CDH22: variants seen among roughly 807,000 people sequenced by gnomAD.
The protein encoded by CDH22 is cadherin 22, also known as cadherin-22.
A neutral mutation model predicts 58.4 loss-of-function variants in CDH22; 30 were observed. The observed-to-expected ratio is 0.51, with a 90% confidence interval of 0.38 to 0.70. The LOEUF (loss-of-function observed/expected upper bound fraction) is 0.70, where lower values mean the gene tolerates loss of function less well. CDH22 is among the 30% of genes least tolerant of loss of function. The pLI is 0.00. For synonymous variants in CDH22, 513 were observed against 558.2 expected, an observed-to-expected ratio of 0.92 and a Z score of 1.14; for missense variants, 1,014 against 1,233.9, an observed-to-expected ratio of 0.82 and a Z score of 2.67.
intron 11 of CDH22, 139 bp from the exon 12 acceptor site, chr20:46,175,216 T>C: frequency 1.2e-6 from 1 of 839,630 alleles, no homozygotes; most frequent in Non-Finnish European, 1.7e-6. Flanking sequence ...CCTGGATTTC[T>C]GTTCAAAAAG....
intron 5 of CDH22, among the ~76,000 whole-genome samples, chr20:46,214,172 A>C (rs2086065238): frequency 6.6e-6 from 1 of 152,132 alleles, no homozygotes; most frequent in East Asian, 1.9e-4. Flanking sequence ...TGTTGGAAGA[A>C]TGGCAAGATG....
intron 3 of CDH22, among the ~76,000 whole-genome samples, chr20:46,237,411 T>C (rs2086261214): frequency 6.6e-6 from 1 of 152,164 alleles, no homozygotes; most frequent in Non-Finnish European, 1.5e-5. Context: ...CTGCTCCCTC[T>C]GATCTCCGAA....
In CDH22 at chr20:46,308,167, C is replaced by T. The variant is rs1269233170; in HGVS notation, c.-400+88G>A. ...CCCCCGCGCCGCCTGCCCGGCCGCT[C>T]CCGCCGGCCAGGGGGCTCCCTCCCT... On this transcript the variant is annotated intron_variant, in intron 1 of 11. Coordinates refer to ENST00000537909, the MANE Select transcript of CDH22 (RefSeq NM_021248.3). This position sits in a 1 kb window ranked among gnomAD's most constrained non-coding sequence, Gnocchi z 4.3. The T allele has an allele frequency of 6.6e-6, 1 of 151,042 alleles. No homozygotes were observed. The highest frequency in any genetic ancestry group is 1.5e-5 in the Non-Finnish European group (1 of 67,676). The allele number at this position is 151,042 out of a possible 1,614,324, so 9.4% of individuals were successfully genotyped here. A position where few individuals can be genotyped will look rare whatever the true frequency, so the allele number is the denominator to read the frequency against.
At position 46,178,047 on chromosome 20, in the gene CDH22, G is replaced by T. The variant is rs1314062691; in HGVS notation, c.1814C>A (p.Ser605Tyr). The change falls in exon 11 of 12, where the codon TCC (serine) becomes TAC (tyrosine). Residue 605 changes from serine (S) to tyrosine (Y), a missense_variant. Physicochemically the swap from Ser to Tyr is moderately radical, Grantham distance 144. Around this residue, in one of 2 missense-constraint regions of CDH22, gnomAD observed 806 missense variants for 1,038.7 expected, o/e 0.78. Coordinates refer to ENST00000537909, the MANE Select transcript of CDH22 (RefSeq NM_021248.3). ...GGTGTTGCAGGACTGGATGGTGCCG[G>T]AGCTGTCGCAGCCACAGATGCGGAT... ...LTIRICGCDS[S>Y]GTIQSCNTTA... 4.3e-6 allele frequency: 7 copies of T among 1,613,864 alleles called. No homozygotes were observed. Among genetic ancestry groups the T allele is most frequent in the Non-Finnish European group, 5.1e-6 (6 of 1,179,972 alleles).
intron 5 of CDH22, among the ~76,000 whole-genome samples, chr20:46,214,705 G>A (rs1402031053): frequency 4.6e-5 from 7 of 152,068 alleles, no homozygotes; most frequent in East Asian, 1.9e-4. Context: ...CCCAATTCCC[G>A]CTCTGCCTTC....
At position 46,233,124 on chromosome 20, in the gene CDH22, G is replaced by A. The variant is rs141012274; in HGVS notation, c.551-5497C>T. Among the ~76,000 whole-genome samples the A allele has an allele frequency of 1.5e-4, 23 of 152,340 alleles. No homozygotes were observed. In the East Asian group the frequency reaches 4.2e-3, roughly 28 times the overall value. On this transcript the variant is annotated intron_variant, in intron 3 of 11. Coordinates refer to ENST00000537909, the MANE Select transcript of CDH22 (RefSeq NM_021248.3). ...AGAGACAGAGGTACATATGGAGCAG[G>A]AAGAGGGGGCAGAGCAGGAGGAGGA... is the stretch of plus-strand genomic sequence containing the variant.
chr20:46,212,818 T>C (rs1253385552), intron 6 of CDH22, among the ~76,000 whole-genome samples, 177 bp downstream of exon 6: 2 of 152,202 alleles, frequency 1.3e-5, no homozygotes, highest in Non-Finnish European at 2.9e-5. Context: ...CACCTCTCTA[T>C]GCCTGGTTTG....
chr20:46,205,846 A>G (rs1157294961), intron 7 of CDH22, among the ~76,000 whole-genome samples: 2 of 152,020 alleles, frequency 1.3e-5, no homozygotes, highest in Admixed American at 1.3e-4. Context: ...GCTGCTCCTG[A>G]ACTTAACCTC....
At chr20:46,202,332 T>C (rs2085967267) in intron 7 of CDH22, among the ~76,000 whole-genome samples, 1 of 151,538 alleles carries the variant, frequency 6.6e-6, no homozygotes, top group Non-Finnish European at 1.5e-5. Flanking sequence ...GAAACCAAAT[T>C]GGGGATTCTC....
At chr20:46,207,458 A>G (rs1268626248) in intron 7 of CDH22, among the ~76,000 whole-genome samples, 2 of 152,150 alleles carry the variant, frequency 1.3e-5, no homozygotes, top group Non-Finnish European at 2.9e-5. Context: ...CCAGACAAAC[A>G]GAGGTGACAG....
chr20:46,270,146 GAAGA>G (rs2086479943), intron 1 of CDH22, among the ~76,000 whole-genome samples: 1 of 152,182 alleles, frequency 6.6e-6, no homozygotes, highest in African/African-American at 2.4e-5. Flanking sequence ...GAGCCTAGGG[GAAGA>G]AAGTAGAAAG....
chr20:46,238,440 T>C (rs1012426670), intron 3 of CDH22, among the ~76,000 whole-genome samples: 1 of 152,182 alleles, frequency 6.6e-6, no homozygotes, highest in Non-Finnish European at 1.5e-5. Flanking sequence ...ATTGATAATA[T>C]CCAAATTTAT....
intron 10 of CDH22, among the ~76,000 whole-genome samples, chr20:46,179,306 T>C (rs2085767733): frequency 6.6e-6 from 1 of 152,210 alleles, no homozygotes; most frequent in African/African-American, 2.4e-5. Flanking sequence ...GTCTGCTGTT[T>C]CTAATCTGAG....
intron 4 of CDH22, among the ~76,000 whole-genome samples, chr20:46,223,718 T>C (rs1288968510): frequency 1.5e-5 from 1 of 67,848 alleles, no homozygotes. Context: ...TCTTTCTTTT[T>C]CTTTCTTTCT....
chr20:46,206,261 G>C lies in CDH22; in HGVS notation c.1286+4046C>G, dbSNP rs527635687. Among the ~76,000 whole-genome samples, 34 of 152,340 alleles carry C rather than the reference G, an allele frequency of 2.2e-4. No individual in the cohort carries two copies. The South Asian group carries it at 6.2e-3, about 28-fold the overall frequency. On this transcript the variant is annotated intron_variant, in intron 7 of 11. Coordinates refer to ENST00000537909, the MANE Select transcript of CDH22 (RefSeq NM_021248.3). ...AGTGGTGAGTCATGGGTCAAACCCC[G>C]GTGCTTCCCCTTTTGAGCTGGGTGG...
chr20:46,183,433 A>G (rs2085802587), intron 10 of CDH22, among the ~76,000 whole-genome samples: 1 of 151,950 alleles, frequency 6.6e-6, no homozygotes, highest in Non-Finnish European at 1.5e-5. Flanking sequence ...TTTATTTTTA[A>G]TTATTGATTG....
rs2085938539 is a variant in CDH22 at position 46,199,518 on chromosome 20, T to C, written c.1328A>G (p.Asp443Gly). Residue 443 changes from aspartate (D) to glycine (G), a missense_variant, in exon 8 of 12, where the codon GAT becomes GGT. Transcript: ENST00000537909. ...GATGGCGCCTGTGTCCGCATCGATA[T>C]CGAAGATCTGGTCCAAATCTGATTC... ...DRESDLDQIFDIDADTGAIVT... is the reference protein window; with the variant it reads ...DRESDLDQIFGIDADTGAIVT... 6.2e-7 allele frequency: 1 copy of C among 1,613,930 alleles called. No individual in the cohort carries two copies. The highest frequency in any genetic ancestry group is 8.5e-7 in the Non-Finnish European group (1 of 1,179,974).
chr20:46,269,112 C>G (rs1321274284), intron 1 of CDH22, among the ~76,000 whole-genome samples: 1 of 152,172 alleles, frequency 6.6e-6, no homozygotes. Flanking sequence ...ACTGACTGCC[C>G]TCTGTGATCT....
rs2086289953 is a variant in CDH22, at chr20:46,241,504, C to T, written c.256-247G>A. Among the ~76,000 whole-genome samples, 1 of 152,198 alleles carries T rather than the reference C, an allele frequency of 6.6e-6. No homozygotes were observed. Among genetic ancestry groups the T allele is most frequent in the African/African-American group, 2.4e-5 (1 of 41,434 alleles). ...TCCCCTCTGCATTCAGAGCTATCAG[C>T]CTTGGAGGCAGATCTGAACATGGCC... On this transcript the variant is annotated intron_variant, in intron 2 of 11. Transcript: ENST00000537909. This position sits in a 1 kb window ranked among gnomAD's most constrained non-coding sequence, Gnocchi z 5.2.
Sources: gnomAD v4.1 joint callset for allele counts (sites outside exome capture counted in the v4.1 genomes callset) on GRCh38, gnomAD v4.1.1 for gene constraint, gnomAD v4.1.1 regional missense constraint, Gnocchi (gnomAD v3.1) non-coding constraint, MANE v1.5 for transcripts, NCBI Gene and HGNC (gene_info 2026-07-23, HGNC 2026-07-21) for gene names.